The following SASH1 variants were observed in gnomAD, a reference collection of about 807,000 sequenced individuals.
SASH1 encodes SAM and SH3 domain-containing protein 1.
A neutral mutation model predicts 125.2 loss-of-function variants in SASH1; 44 were observed. The observed-to-expected ratio is 0.35, with a 90% CI of 0.28 to 0.45. The LOEUF (loss-of-function observed/expected upper bound fraction) is 0.45. SASH1 is among the 20% of genes least tolerant of loss of function. The pLI, the probability that SASH1 is intolerant of heterozygous loss-of-function variation, is 1.00. For missense variants in SASH1, 1,426 were observed against 1,614.5 expected (o/e 0.88, Z 2.00); for synonymous variants, 639 against 649.1 (o/e 0.98, Z 0.24).
chr6:148,441,321 C>T (rs912479481), intron 4 of SASH1, among the ~76,000 whole-genome samples: 3 of 152,170 alleles, frequency 2.0e-5, no homozygotes, highest in Non-Finnish European at 2.9e-5. Context: ...CTGGCACAGG[C>T]GGTTCTGGGA....
chr6:148,353,130 G>A (rs1037944549), intron 1 of SASH1, among the ~76,000 whole-genome samples: 7 of 152,058 alleles, frequency 4.6e-5, no homozygotes, highest in African/African-American at 9.7e-5. Context: ...GTGCAGTGGT[G>A]TAATCAAGAC....
intron 2 of SASH1, among the ~76,000 whole-genome samples, chr6:148,426,862 C>T (rs1279791600): frequency 1.3e-5 from 2 of 152,046 alleles, no homozygotes; most frequent in African/African-American, 2.4e-5. Context: ...TGGTCGGGCA[C>T]GGTGGCTCAC....
the SASH1 span, among the ~76,000 whole-genome samples, chr6:148,239,701 C>T: frequency 3.4e-5 from 2 of 59,418 alleles, no homozygotes; most frequent in Admixed American, 1.7e-4. Context: ...ACATATAGAT[C>T]GGCTTTTTTT....
intron 7 of SASH1, among the ~76,000 whole-genome samples, chr6:148,476,234 A>G (rs1778336528): frequency 6.6e-6 from 1 of 151,368 alleles, no homozygotes; most frequent in African/African-American, 2.4e-5. Flanking sequence ...AAAGCTCTCT[A>G]TAATGAAAAC....
chr6:148,469,799 G>C (rs1345341122), intron 5 of SASH1, among the ~76,000 whole-genome samples: 1 of 152,038 alleles, frequency 6.6e-6, no homozygotes, highest in East Asian at 1.9e-4. Flanking sequence ...AGGCCGAGGA[G>C]GGTGGATGAC....
intron 16 of SASH1, among the ~76,000 whole-genome samples, chr6:148,535,928 C>T (rs1398800551): frequency 1.3e-5 from 2 of 152,082 alleles, no homozygotes; most frequent in South Asian, 2.1e-4. Context: ...GCCTGAGAAA[C>T]GTGGAAGCAA....
intron 1 of SASH1, among the ~76,000 whole-genome samples, chr6:148,387,656 CTTTCTTTCTTTCTTTCTTTCTTTCT>C (rs1562371576): frequency 4.4e-4 from 23 of 52,700 alleles, no homozygotes; most frequent in African/African-American, 2.1e-3. Context: ...TTCTTTCTTT[CTTTCTTTCTTTCTTTCTTTCTTTCT>C]TTCTTTCTTT....
chr6:148,514,308 T>G lies in SASH1; in HGVS notation c.730-16T>G. ...AGCAATTACCTGATTAACTTTTTCC[T>G]TTGTTTCTTTGCCAGTCAAGAGAAC... is the stretch of plus-strand genomic sequence containing the variant. On this transcript the variant is annotated splice_polypyrimidine_tract_variant and intron_variant, in intron 8 of 19. Transcript: ENST00000367467. 1 of 1,595,582 alleles carries G rather than the reference T, an allele frequency of 6.3e-7. No individual in the cohort carries two copies. The highest frequency in any genetic ancestry group is 8.5e-7 in the Non-Finnish European group (1 of 1,175,308).
intron 2 of SASH1, among the ~76,000 whole-genome samples, chr6:148,395,685 A>G (rs1327077160): frequency 2.0e-5 from 3 of 152,162 alleles, no homozygotes; most frequent in African/African-American, 7.2e-5. Flanking sequence ...AGTGCTTGTG[A>G]ACAGCAGGGA....
At chr6:148,279,055 G>A (rs556570798) in intron 1 of SASH1, among the ~76,000 whole-genome samples, 23 of 151,688 alleles carry the variant, frequency 1.5e-4, no homozygotes, top group African/African-American at 4.6e-4. Flanking sequence ...GCAGTGGTGC[G>A]ATCTCAGCTC....
chr6:148,381,156 G>A (rs533334721), intron 1 of SASH1, among the ~76,000 whole-genome samples: 46 of 152,248 alleles, frequency 3.0e-4, no homozygotes, highest in Non-Finnish European at 5.4e-4. Flanking sequence ...GGCCTTCTTC[G>A]TCATCTCTTT....
At position 148,504,860 on chromosome 6, in the gene SASH1, C is replaced by T. The variant is rs146578490; in HGVS notation, c.730-9464C>T. 8.4e-3 allele frequency among the ~76,000 whole-genome samples: 1,272 copies of T among 152,234 alleles called. 7 individuals carry two copies. Among genetic ancestry groups the T allele is most frequent in the Non-Finnish European group, 0.012 (808 of 68,014 alleles). On this transcript the variant is annotated intron_variant, in intron 8 of 19. Coordinates refer to ENST00000367467, the MANE Select transcript of SASH1 (RefSeq NM_015278.5). The stretch of plus-strand genomic sequence containing the variant: ...AATACCTGAATGACTCCCTGAGAGG[C>T]GTGGCAGTGAGGTTAAAAAGGGGTG...
chr6:148,251,001 G>C, the SASH1 span, among the ~76,000 whole-genome samples: 1 of 152,054 alleles, frequency 6.6e-6, no homozygotes, highest in Admixed American at 6.6e-5. Context: ...TCCTTTATTT[G>C]AGACAATAAA....
chr6:148,511,687 G>A (rs1780149125), intron 8 of SASH1, among the ~76,000 whole-genome samples: 1 of 152,196 alleles, frequency 6.6e-6, no homozygotes, highest in Non-Finnish European at 1.5e-5. Context: ...CTGGGCAGAG[G>A]AAAGTAGGAT....
At chr6:148,477,171 G>A (rs1778400151) in intron 7 of SASH1, among the ~76,000 whole-genome samples, 1 of 152,130 alleles carries the variant, frequency 6.6e-6, no homozygotes, top group African/African-American at 2.4e-5. Context: ...TTTCTTGAGT[G>A]ATATCCTAAA....
chr6:148,452,790 C>T (rs768502516), intron 4 of SASH1, among the ~76,000 whole-genome samples: 1 of 152,268 alleles, frequency 6.6e-6, no homozygotes, highest in East Asian at 1.9e-4. Context: ...TAGACGGTGC[C>T]ATACACACAG....
chr6:148,213,131 G>T, the SASH1 span, among the ~76,000 whole-genome samples: 2 of 152,200 alleles, frequency 1.3e-5, no homozygotes, highest in African/African-American at 4.8e-5. Flanking sequence ...GCAATGCTGA[G>T]TTAGAGTGAA....
At chr6:148,379,152 C>T (rs1783032214) in intron 1 of SASH1, among the ~76,000 whole-genome samples, 1 of 152,190 alleles carries the variant, frequency 6.6e-6, no homozygotes. Context: ...TGCATGCCCT[C>T]TATATTCCTG....
chr6:148,376,249 A>C (rs1184816544), intron 1 of SASH1, among the ~76,000 whole-genome samples: 2 of 151,924 alleles, frequency 1.3e-5, no homozygotes, highest in East Asian at 3.9e-4. Context: ...TTGTATTTTT[A>C]CTAGAGATGG....
Sources: allele counts gnomAD v4.1 joint callset (sites outside exome capture counted in the v4.1 genomes callset), GRCh38; gene constraint gnomAD v4.1.1; transcripts MANE v1.5; gene names NCBI Gene and HGNC (gene_info 2026-07-23, HGNC 2026-07-21).